KLF16: variants seen among roughly 807,000 people sequenced by gnomAD.
KLF16 encodes Krueppel-like factor 16.
Under a neutral mutation model 6.1 loss-of-function variants are expected in KLF16, and 6 were observed. The observed-to-expected ratio is 0.98, with a 90% confidence interval of 0.54 to 1.93. The LOEUF (loss-of-function observed/expected upper bound fraction) is 1.93. KLF16 is among the 30% of genes most tolerant of loss of function. The probability of loss-of-function intolerance (pLI) is 0.01; values close to 1 mark genes in which losing one functional copy is unlikely to be tolerated. For synonymous variants in KLF16, 211 were observed against 176.5 expected (o/e 1.20, Z -1.55); for missense variants, 355 against 363.8 (o/e 0.98, Z 0.20).
At chr19:1,864,006 A>C (rs1163029900), upstream of KLF16, among the ~76,000 whole-genome samples, 16 of 112,576 alleles carry the variant, frequency 1.4e-4, no homozygotes, top group Admixed American at 7.7e-4. Flanking sequence ...GAGGCCGAGG[A>C]CCCCGCCCCC....
chr19:1,865,801 T>C (rs1377302673), upstream of KLF16, among the ~76,000 whole-genome samples: 3 of 152,172 alleles, frequency 2.0e-5, no homozygotes, highest in Admixed American at 2.0e-4. Context: ...ACCCCTGCGG[T>C]GAACACAGAC....
upstream of KLF16, among the ~76,000 whole-genome samples, chr19:1,865,302 CCTGCTG>C (rs1467368768): frequency 6.6e-6 from 1 of 152,228 alleles, no homozygotes; most frequent in Admixed American, 6.5e-5. Context: ...CGTTCCTGCT[CCTGCTG>C]GGCCTCTGTT....
At chr19:1,875,396 C>A in the KLF16 span, 1 of 152,224 alleles carries the variant, frequency 6.6e-6, no homozygotes, top group Non-Finnish European at 1.5e-5. Flanking sequence ...AGTAAAGTAA[C>A]TGACCTTTTG....
chr19:1,863,043 G>A lies in KLF16; in HGVS notation c.455C>T (p.Thr152Ile). The A allele has an allele frequency of 7.2e-7, 1 of 1,393,786 alleles. No individual in the cohort carries two copies. The highest frequency in any genetic ancestry group is 9.5e-7 in the Non-Finnish European group (1 of 1,054,350). 86.3% of individuals were successfully genotyped at this position (1,393,786 alleles called of 1,614,324 possible). A position where few individuals can be genotyped will look rare whatever the true frequency, so the allele number is the denominator to read the frequency against. Residue 152 changes from threonine to isoleucine, a missense_variant and splice_region_variant, in exon 1 of 2, where the codon ACA becomes ATA. Transcript: ENST00000250916. The part of the protein sequence containing the change: ...SHLKSHLRTH[T>I]GERPFACDWQ... Reference sequence around the variant, plus strand: ...GCCGGGATCGCGGCTGCACTCACCTGTGTGCGTCCGCAGGTGCGACTTTAG... The same window carrying A: ...GCCGGGATCGCGGCTGCACTCACCTATGTGCGTCCGCAGGTGCGACTTTAG...
chr19:1,861,023 C>T (rs983130509), intron 1 of KLF16, among the ~76,000 whole-genome samples: 6 of 152,078 alleles, frequency 3.9e-5, no homozygotes, highest in African/African-American at 1.2e-4. Flanking sequence ...TAGACGGTGG[C>T]GCGCCATCAG....
intron 1 of KLF16, among the ~76,000 whole-genome samples, chr19:1,856,863 C>T (rs1338921572): frequency 6.6e-6 from 1 of 151,128 alleles, no homozygotes; most frequent in African/African-American, 2.4e-5. Context: ...GCCGGACAGT[C>T]AGTTGGTTCA....
In KLF16 at chr19:1,857,637, ACCT is replaced by A. The variant is rs1323738806; in HGVS notation, c.458-2880_458-2878del. 7.0e-6 allele frequency among the ~76,000 whole-genome samples: 1 copy of A among 142,556 alleles called. No individual in the cohort carries two copies. Among genetic ancestry groups the A allele is most frequent in the African/African-American group, 2.6e-5 (1 of 38,498 alleles). 93.5% of individuals were successfully genotyped at this position (142,556 alleles called of 152,430 possible). ...GCCCTGGTTCCGACAGGGAAGCCTC[ACCT>A]CCTGAGCTTGTCTGGGGGGCCTTGG... On this transcript the variant is annotated intron_variant, in intron 1 of 1. Coordinates refer to ENST00000250916, the MANE Select transcript of KLF16 (RefSeq NM_031918.4). The surrounding 1 kb of genome is among the most constrained non-coding windows in gnomAD (Gnocchi z 4.7).
upstream of KLF16, among the ~76,000 whole-genome samples, chr19:1,864,301 G>T (rs1398958552): frequency 6.6e-6 from 1 of 152,074 alleles, no homozygotes; most frequent in African/African-American, 2.4e-5. Context: ...TCTTCTCCCG[G>T]CCTGGGGCCC....
chr19:1,871,643 G>A, the KLF16 span, among the ~76,000 whole-genome samples: 1 of 152,264 alleles, frequency 6.6e-6, no homozygotes, highest in Admixed American at 6.5e-5. Flanking sequence ...CAGTCCAGGG[G>A]GGCCACCACG....
chr19:1,864,222 T>C (rs2012143810), upstream of KLF16, among the ~76,000 whole-genome samples: 1 of 150,998 alleles, frequency 6.6e-6, no homozygotes, highest in Non-Finnish European at 1.5e-5. Context: ...GATCCCCACG[T>C]GGCCGGGGTT....
Position 1,862,484 on chromosome 19 carries a change from G to A in KLF16, c.457+557C>T, listed in dbSNP as rs191738306. The stretch of plus-strand genomic sequence containing the variant: ...CGCTCCTAGCCTCGCCCTCCCCCTC[G>A]TTAAAATACAGAGAACGCAGAGAAA... On this transcript the variant is annotated intron_variant, in intron 1 of 1. Coordinates refer to ENST00000250916, the MANE Select transcript of KLF16 (RefSeq NM_031918.4). Among the ~76,000 whole-genome samples, 14 of 151,904 alleles carry A rather than the reference G, an allele frequency of 9.2e-5. No homozygotes were observed. In the East Asian group the frequency reaches 2.7e-3, roughly 30 times the overall value.
chr19:1,868,312 G>A (rs1319052625), upstream of KLF16, among the ~76,000 whole-genome samples: 1 of 152,072 alleles, frequency 6.6e-6, no homozygotes, highest in Non-Finnish European at 1.5e-5. Context: ...CTGCACCAGG[G>A]GGCCGAGGTC....
intron 1 of KLF16, among the ~76,000 whole-genome samples, chr19:1,856,963 G>GGGGGGGGGCCCC: frequency 8.5e-6 from 1 of 117,468 alleles, no homozygotes; most frequent in South Asian, 2.7e-4. Context: ...GGTGGGGGGG[G>GGGGGGGGGCCCC]CGACCGGGGC....
chr19:1,870,205 C>A, the KLF16 span, among the ~76,000 whole-genome samples: 1 of 151,940 alleles, frequency 6.6e-6, no homozygotes, highest in Non-Finnish European at 1.5e-5. Flanking sequence ...GCTGGGATTA[C>A]AGGCGTGAGC....
chr19:1,863,324 T>G lies in KLF16; in HGVS notation c.174A>C (p.Pro58=), dbSNP rs893620569. 3 of 975,158 alleles carry G rather than the reference T, an allele frequency of 3.1e-6. No homozygotes were observed. Among genetic ancestry groups the G allele is most frequent in the Admixed American group, 6.5e-5 (1 of 15,470 alleles). 60.4% of individuals were successfully genotyped at this position (975,158 alleles called of 1,614,324 possible). A position where few individuals can be genotyped will look rare whatever the true frequency, so the allele number is the denominator to read the frequency against. Residue 58 remains proline (P), a synonymous_variant, in exon 1 of 2, where the codon CCA becomes CCC. Transcript: ENST00000250916. ...CAGAAGCGGCGGGGGGCGGCGGGGG[T>G]GGCCCCGGGGTCCCGGGTGAGGCGG... ...REAASPGTPG[P]PPPPPAASGP...
In KLF16 at chr19:1,862,562, T is replaced by TG. The variant is rs1599196061; in HGVS notation, c.457+478dup. On this transcript the variant is annotated intron_variant, in intron 1 of 1. Coordinates refer to ENST00000250916, the MANE Select transcript of KLF16 (RefSeq NM_031918.4). Reference sequence around the variant, plus strand: ...CCACGCCAGGTGCTCTGCCGACCTCTGGGGAGAATCCGCGCGGCCACCCCG... The same window carrying TG: ...CCACGCCAGGTGCTCTGCCGACCTCTGGGGGAGAATCCGCGCGGCCACCCCG... Among the ~76,000 whole-genome samples the TG allele has an allele frequency of 1.3e-5, 2 of 151,892 alleles. 1 individual carries two copies. Among genetic ancestry groups the TG allele is most frequent in the South Asian group, 4.1e-4 (2 of 4,826 alleles).
chr19:1,873,445 G>T, the KLF16 span, among the ~76,000 whole-genome samples: 5 of 151,990 alleles, frequency 3.3e-5, no homozygotes, highest in Non-Finnish European at 7.4e-5. Context: ...CCTCCCCCCG[G>T]GCTCCGGGTA....
At position 1,863,066 on chromosome 19, in the gene KLF16, T is replaced by C. The variant is rs1308492333; in HGVS notation, c.432A>G (p.Leu144=). The C allele has an allele frequency of 5.0e-6, 7 of 1,408,916 alleles. No individual in the cohort carries two copies. The highest frequency in any genetic ancestry group is 1.5e-5 in the African/African-American group (1 of 65,838). 87.3% of individuals were successfully genotyped at this position (1,408,916 alleles called of 1,614,324 possible). A position where few individuals can be genotyped will look rare whatever the true frequency, so the allele number is the denominator to read the frequency against. The change falls in exon 1 of 2, where the codon CTA becomes CTG. Residue 144 remains leucine (L), a synonymous_variant. Coordinates refer to ENST00000250916, the MANE Select transcript of KLF16 (RefSeq NM_031918.4). ...CAKAYYKSSH[L]KSHLRTHTGE... Reference sequence around the variant, plus strand: ...CTGTGTGCGTCCGCAGGTGCGACTTTAGGTGCGAGGACTTGTAGTAGGCTT... The same window carrying C: ...CTGTGTGCGTCCGCAGGTGCGACTTCAGGTGCGAGGACTTGTAGTAGGCTT...
At chr19:1,872,843 G>A in the KLF16 span, among the ~76,000 whole-genome samples, 12 of 151,012 alleles carry the variant, frequency 7.9e-5, no homozygotes, top group African/African-American at 2.2e-4. Flanking sequence ...GCCGGAGCCC[G>A]GAACCGGGAG....
Sources: allele counts gnomAD v4.1 joint callset (sites outside exome capture counted in the v4.1 genomes callset), GRCh38; gene constraint gnomAD v4.1.1; non-coding constraint Gnocchi (gnomAD v3.1); transcripts MANE v1.5; gene names NCBI Gene and HGNC (gene_info 2026-07-23, HGNC 2026-07-21).